CPED1: variants seen among roughly 807,000 people sequenced by gnomAD.
CPED1 encodes the protein cadherin like and PC-esterase domain containing 1.
Under a neutral mutation model 128.2 loss-of-function variants are expected in CPED1, and 114 were observed. The ratio of observed to expected loss-of-function variants is 0.89; its 90% CI spans 0.76 to 1.04. CPED1 has a LOEUF of 1.04. Among genes scored for constraint, CPED1 ranks in the 50% least tolerant of loss-of-function variants. The probability of loss-of-function intolerance (pLI) is 0.00; values close to 1 mark genes in which losing one functional copy is unlikely to be tolerated. For synonymous variants in CPED1, 462 were observed against 426.7 expected (o/e 1.08, Z -1.02); for missense variants, 1,211 against 1,207.1 (o/e 1.00, Z -0.05).
chr7:121,102,752 C>T (rs932115175), intron 7 of CPED1, among the ~76,000 whole-genome samples: 4 of 152,028 alleles, frequency 2.6e-5, no homozygotes, highest in African/African-American at 9.7e-5. Context: ...AGGAGGAAAA[C>T]GAAAATATTT....
chr7:121,084,896 G>A (rs1259379169), intron 5 of CPED1, among the ~76,000 whole-genome samples: 1 of 152,128 alleles, frequency 6.6e-6, no homozygotes, highest in African/African-American at 2.4e-5. Flanking sequence ...CCTTACCAGT[G>A]CATTCCAAAG....
chr7:121,266,573 G>A, intron 19 of CPED1, 126 bp downstream of exon 19: 3 of 1,168,954 alleles, frequency 2.6e-6, no homozygotes, highest in Non-Finnish European at 3.8e-6. Flanking sequence ...AAGTAAGGCA[G>A]CAGAAAACAA....
At chr7:121,082,215 T>A (rs1794311689) in intron 5 of CPED1, among the ~76,000 whole-genome samples, 1 of 152,208 alleles carries the variant, frequency 6.6e-6, no homozygotes, top group Non-Finnish European at 1.5e-5. Context: ...ATTCTTTCCT[T>A]ATAGAGTTAT....
intron 16 of CPED1, among the ~76,000 whole-genome samples, chr7:121,162,629 G>GA (rs1230719680): frequency 1.3e-5 from 2 of 152,152 alleles, no homozygotes; most frequent in East Asian, 1.9e-4. Context: ...AGATTTCACT[G>GA]AAAAAATCCA....
intron 2 of CPED1, among the ~76,000 whole-genome samples, chr7:120,990,077 TTA>T: frequency 6.6e-6 from 1 of 152,350 alleles, no homozygotes; most frequent in South Asian, 2.1e-4. Flanking sequence ...TGGCATTACT[TTA>T]TCTCTTAGGA....
chr7:120,990,227 T>C (rs891268590), intron 2 of CPED1, among the ~76,000 whole-genome samples: 1 of 152,208 alleles, frequency 6.6e-6, no homozygotes, highest in African/African-American at 2.4e-5. Context: ...TCAAAAACTT[T>C]GATAAACCTT....
chr7:121,231,338 C>T (rs182022814), intron 16 of CPED1, among the ~76,000 whole-genome samples: 3 of 152,072 alleles, frequency 2.0e-5, no homozygotes, highest in Admixed American at 6.6e-5. Context: ...ATTGTCAGCA[C>T]GAATTTGAGC....
chr7:121,195,521 G>A (rs1179438048), intron 16 of CPED1, among the ~76,000 whole-genome samples: 1 of 152,116 alleles, frequency 6.6e-6, no homozygotes, highest in Non-Finnish European at 1.5e-5. Flanking sequence ...GCTAGGTTGA[G>A]AATATGAAGT....
intron 18 of CPED1, among the ~76,000 whole-genome samples, chr7:121,257,863 C>A (rs1233198655): frequency 6.6e-6 from 1 of 151,960 alleles, no homozygotes; most frequent in South Asian, 2.1e-4. Flanking sequence ...AATAGAAATA[C>A]AACTAATATA....
Position 121,235,315 on chromosome 7 carries a change from A to AT in CPED1, c.2056-1394dup, listed in dbSNP as rs148205188. ...TATAATAAGCACTTTAATACAAATC[A>AT]TTTTTCTAATTTTAGTCAGTATCTT... is the stretch of plus-strand genomic sequence containing the variant. On this transcript the variant is annotated intron_variant, in intron 16 of 22. Coordinates refer to ENST00000310396, the MANE Select transcript of CPED1 (RefSeq NM_024913.5). Among the ~76,000 whole-genome samples, 1,247 of 152,118 alleles carry AT rather than the reference A, an allele frequency of 8.2e-3. 13 individuals are homozygous for AT. Among genetic ancestry groups the AT allele is most frequent in the African/African-American group, 0.027 (1,126 of 41,516 alleles).
At chr7:121,062,792 A>T (rs1431305613) in intron 4 of CPED1, 1 of 151,996 alleles carries the variant, frequency 6.6e-6, no homozygotes, top group Non-Finnish European at 1.5e-5. Context: ...GGTTTCCCCC[A>T]TCCTATTCTC....
At chr7:121,262,732 C>T (rs189168277) in intron 18 of CPED1, among the ~76,000 whole-genome samples, 2,211 of 152,080 alleles carry the variant, frequency 0.015, 24 homozygotes, top group Non-Finnish European at 0.024. Context: ...CTGCAAATTT[C>T]CTTTTTAAAA....
Position 121,064,288 on chromosome 7 carries a change from A to G in CPED1, c.591A>G (p.Leu197=), listed in dbSNP as rs751783449. The G allele has an allele frequency of 5.0e-6, 8 of 1,612,474 alleles. No individual in the cohort carries two copies. Among genetic ancestry groups the G allele is most frequent in the African/African-American group, 1.3e-5 (1 of 75,032 alleles). Residue 197 remains leucine (L), a synonymous_variant, in exon 5 of 23, where the codon TTA becomes TTG. Coordinates refer to ENST00000310396, the MANE Select transcript of CPED1 (RefSeq NM_024913.5). ...AGCCACTTTGCAGAAAGGAAGGATT[A>G]TGTCAAATAGTTAGAAGATTCCCAG... ...IQQPLCRKEG[L]CQIVRRFPEL...
intron 16 of CPED1, among the ~76,000 whole-genome samples, chr7:121,171,314 T>C (rs969326807): frequency 6.6e-6 from 1 of 152,226 alleles, no homozygotes; most frequent in African/African-American, 2.4e-5. Context: ...ACTGAGTTTG[T>C]TTAATAGAAG....
chr7:121,087,229 C>G (rs372039320), intron 5 of CPED1, among the ~76,000 whole-genome samples: 1 of 152,134 alleles, frequency 6.6e-6, no homozygotes, highest in African/African-American at 2.4e-5. Flanking sequence ...ATCCTCAATA[C>G]ACAATAAATT....
chr7:121,003,720 T>C (rs1653162760), intron 2 of CPED1, among the ~76,000 whole-genome samples: 1 of 152,076 alleles, frequency 6.6e-6, no homozygotes, highest in African/African-American at 2.4e-5. Flanking sequence ...GAGGCACCTC[T>C]CGAGGGAAAG....
intron 5 of CPED1, among the ~76,000 whole-genome samples, chr7:121,079,127 C>T (rs1794214197): frequency 6.6e-6 from 1 of 152,150 alleles, no homozygotes. Context: ...CACATACACC[C>T]ATATTCCCAG....
intron 16 of CPED1, among the ~76,000 whole-genome samples, chr7:121,158,071 G>A (rs979078255): frequency 2.0e-5 from 3 of 152,112 alleles, no homozygotes; most frequent in African/African-American, 4.8e-5. Context: ...CCCTCCTTCA[G>A]TGATATCTCC....
At chr7:121,108,901 A>C (rs1795044234) in intron 7 of CPED1, among the ~76,000 whole-genome samples, 1 of 152,122 alleles carries the variant, frequency 6.6e-6, no homozygotes, top group Admixed American at 6.6e-5. Flanking sequence ...TTTCCTTGGA[A>C]AAACAACAAC....
Sources: allele counts gnomAD v4.1 joint callset (sites outside exome capture counted in the v4.1 genomes callset), GRCh38; gene constraint gnomAD v4.1.1; transcripts MANE v1.5; gene names NCBI Gene and HGNC (gene_info 2026-07-23, HGNC 2026-07-21).